ZNF670: variants seen among roughly 807,000 people sequenced by gnomAD.
ZNF670 encodes zinc finger protein 670.
ZNF670 carries 7 observed loss-of-function variants against 10.9 expected under a neutral mutation model. The observed-to-expected ratio is 0.64, with a 90% CI of 0.36 to 1.20. The LOEUF is 1.20. Among genes scored for constraint, ZNF670 ranks in the 50% most tolerant of loss-of-function variants. The pLI is 0.02. For missense variants in ZNF670, 446 were observed against 458.6 expected (o/e 0.97, Z 0.25); for synonymous variants, 136 against 152.7 (o/e 0.89, Z 0.81).
Position 247,034,874 on chromosome 1 carries a change from G to A in ZNF670, c.*2575C>T, listed in dbSNP as rs959332959. Among the ~76,000 whole-genome samples, 6 of 152,216 alleles carry A rather than the reference G, an allele frequency of 3.9e-5. No homozygotes were observed. Among genetic ancestry groups the A allele is most frequent in the Admixed American group, 1.3e-4 (2 of 15,288 alleles). Reference sequence around the variant, plus strand: ...AATCAGGAATAAAGAACCCAGTGGTGAAGGTGCTGGGTCACTGCCTCAATG... The same window carrying A: ...AATCAGGAATAAAGAACCCAGTGGTAAAGGTGCTGGGTCACTGCCTCAATG... On this transcript the variant is annotated 3_prime_UTR_variant, in exon 4 of 4. Transcript: ENST00000366503.
chr1:247,050,374 A>G (rs573701615), intron 1 of ZNF670, among the ~76,000 whole-genome samples: 14 of 152,154 alleles, frequency 9.2e-5, no homozygotes, highest in Non-Finnish European at 1.2e-4. Flanking sequence ...GTCCATTTGC[A>G]TGGAGTATCT....
chr1:247,059,105 A>C (rs1670791606), intron 1 of ZNF670, among the ~76,000 whole-genome samples: 1 of 151,852 alleles, frequency 6.6e-6, no homozygotes, highest in Non-Finnish European at 1.5e-5. Flanking sequence ...AAAATCTCAT[A>C]ATCAGAGATG....
chr1:247,051,970 T>A (rs1400743131), intron 1 of ZNF670, among the ~76,000 whole-genome samples: 2 of 150,432 alleles, frequency 1.3e-5, no homozygotes, highest in African/African-American at 5.0e-5. Flanking sequence ...TGTTTGGAGA[T>A]TTTTTCGTCC....
Position 247,051,267 on chromosome 1 carries a change from A to AC in ZNF670, c.4-11731_4-11730insG, listed in dbSNP as rs1228605783. Among the ~76,000 whole-genome samples the AC allele has an allele frequency of 4.1e-3, 546 of 132,040 alleles. 1 individual carries two copies. The highest frequency in any genetic ancestry group is 0.015 in the African/African-American group (495 of 32,014). The allele number at this position is 132,040 out of a possible 152,430, so 86.6% of individuals were successfully genotyped here. ...AGACTCCGTCTCCAAGAAAAAAAAA[A>AC]ACAAAAAAAAAACTCCTTTTAGCAG... On this transcript the variant is annotated intron_variant, in intron 1 of 3. Coordinates refer to ENST00000366503, the MANE Select transcript of ZNF670 (RefSeq NM_033213.5).
At chr1:247,073,316 A>C (rs957566385) in intron 1 of ZNF670, among the ~76,000 whole-genome samples, 1 of 152,218 alleles carries the variant, frequency 6.6e-6, no homozygotes, top group Admixed American at 6.5e-5. Flanking sequence ...CCCTGTGCTC[A>C]GTAGGTTAAA....
In ZNF670 at chr1:247,038,016, AT is replaced by A; in HGVS notation, c.602del (p.His201LeufsTer84). On this transcript the variant is annotated frameshift_variant, in exon 4 of 4. Coordinates refer to ENST00000366503, the MANE Select transcript of ZNF670 (RefSeq NM_033213.5). LOFTEE classifies it low-confidence loss of function (END_TRUNC). ...TTGAATAATTGAAGGCTTTATCACA[AT>A]GTTTACATTTATATGTTTTCTCTCC... ...YTGEKTYKCK[H>X]CDKAFNYSSY... The A allele has an allele frequency of 6.2e-7, 1 of 1,613,800 alleles. No homozygotes were observed. Among genetic ancestry groups the A allele is most frequent in the Non-Finnish European group, 8.5e-7 (1 of 1,179,892 alleles).
chr1:247,045,149 A>G (rs1417271613), intron 1 of ZNF670, among the ~76,000 whole-genome samples: 1 of 152,206 alleles, frequency 6.6e-6, no homozygotes, highest in East Asian at 1.9e-4. Flanking sequence ...TAAGAGTAGC[A>G]GTACGTGTAT....
At chr1:247,060,584 T>A (rs1670834655) in intron 1 of ZNF670, among the ~76,000 whole-genome samples, 1 of 152,158 alleles carries the variant, frequency 6.6e-6, no homozygotes, top group African/African-American at 2.4e-5. Flanking sequence ...GAAAACATAA[T>A]CCATGAATGA....
At chr1:247,067,433 C>A (rs1453669516) in intron 1 of ZNF670, among the ~76,000 whole-genome samples, 1 of 102,538 alleles carries the variant, frequency 9.8e-6, no homozygotes, top group Non-Finnish European at 1.9e-5. Context: ...AAGATCCCGT[C>A]TCAAAAAAAA....
At chr1:247,041,942 T>TC (rs1670320240) in intron 1 of ZNF670, among the ~76,000 whole-genome samples, 1 of 151,974 alleles carries the variant, frequency 6.6e-6, no homozygotes, top group African/African-American at 2.4e-5. Flanking sequence ...AGCCAAACAA[T>TC]CACAACAGTG....
At chr1:247,067,307 G>A (rs1019865906) in intron 1 of ZNF670, among the ~76,000 whole-genome samples, 4 of 151,742 alleles carry the variant, frequency 2.6e-5, no homozygotes, top group East Asian at 3.9e-4. Flanking sequence ...ATGGTGGCGG[G>A]TGCCTGTAAT....
chr1:247,047,992 A>G (rs184695225), intron 1 of ZNF670, among the ~76,000 whole-genome samples: 25 of 152,330 alleles, frequency 1.6e-4, no homozygotes, highest in African/African-American at 5.5e-4. Flanking sequence ...TTGTCTTGGC[A>G]ATTAACATTT....
chr1:247,042,754 G>A, intron 1 of ZNF670: 1 of 427,390 alleles, frequency 2.3e-6, no homozygotes. Context: ...GGCATAAAAG[G>A]CAATGGTCAA....
intron 1 of ZNF670, among the ~76,000 whole-genome samples, chr1:247,039,859 G>A (rs768096119): frequency 7.3e-5 from 11 of 151,456 alleles, no homozygotes; most frequent in Admixed American, 2.6e-4. Flanking sequence ...CTCTCATAAC[G>A]AAGTCATGCT....
chr1:247,076,473 A>G (rs1357460938), intron 1 of ZNF670, among the ~76,000 whole-genome samples: 1 of 151,660 alleles, frequency 6.6e-6, no homozygotes, highest in African/African-American at 2.4e-5. Flanking sequence ...AGCCAGGATG[A>G]TCTCGATCTC....
At position 247,038,491 on chromosome 1, in the gene ZNF670, A is replaced by G. The variant is rs1243817370; in HGVS notation, c.192-64T>C. 4 of 1,481,124 alleles carry G rather than the reference A, an allele frequency of 2.7e-6. No homozygotes were observed. The African/African-American group carries it at 5.6e-5, about 21-fold the overall frequency. 91.7% of individuals were successfully genotyped at this position (1,481,124 alleles called of 1,614,324 possible). On this transcript the variant is annotated intron_variant, in intron 3 of 3. Transcript: ENST00000366503. ...CATGGTTTACATTGCTACTAATACC[A>G]TGGAAAATGCAAGTTTCCTGCCATA... is the stretch of plus-strand genomic sequence containing the variant.
intron 1 of ZNF670, among the ~76,000 whole-genome samples, chr1:247,063,099 T>C (rs1670895248): frequency 6.6e-6 from 1 of 152,244 alleles, no homozygotes; most frequent in African/African-American, 2.4e-5. Context: ...GTCAGGTGGT[T>C]ATTCTCTGCT....
intron 1 of ZNF670, among the ~76,000 whole-genome samples, chr1:247,042,342 T>C (rs532616418): frequency 1.3e-5 from 2 of 152,268 alleles, no homozygotes; most frequent in East Asian, 3.9e-4. Flanking sequence ...TGGTGGGCAA[T>C]GTCTGAACAT....
At chr1:247,057,450 T>C (rs1355074419) in intron 1 of ZNF670, among the ~76,000 whole-genome samples, 3 of 152,004 alleles carry the variant, frequency 2.0e-5, no homozygotes, top group African/African-American at 4.8e-5. Flanking sequence ...AAAGTAAAAA[T>C]TGAGCTACCA....
Sources: gnomAD v4.1 joint callset for allele counts (sites outside exome capture counted in the v4.1 genomes callset) on GRCh38, gnomAD v4.1.1 for gene constraint, MANE v1.5 for transcripts, NCBI Gene and HGNC (gene_info 2026-07-23, HGNC 2026-07-21) for gene names.